HMCN1: variants seen among roughly 807,000 people sequenced by gnomAD.
HMCN1 encodes the protein hemicentin-1.
HMCN1 carries 321 observed loss-of-function variants against 625.9 expected under a neutral mutation model. The observed-to-expected ratio is 0.51, with a 90% CI of 0.47 to 0.56. HMCN1 has a LOEUF of 0.56. HMCN1 is among the 20% of genes least tolerant of loss of function. HMCN1 has a pLI of 0.00. For missense variants in HMCN1, 6,588 were observed against 6,887.3 expected (o/e 0.96, Z 1.54); for synonymous variants, 2,425 against 2,417.6 (o/e 1.00, Z -0.09).
At chr1:185,791,737 C>A (rs150240495) in intron 1 of HMCN1, among the ~76,000 whole-genome samples, 1 of 152,082 alleles carries the variant, frequency 6.6e-6, no homozygotes, top group South Asian at 2.1e-4. Flanking sequence ...AACAAACAAA[C>A]AAACAAACAG....
chr1:185,960,124 CT>C (rs1167408279), intron 11 of HMCN1, among the ~76,000 whole-genome samples: 6,439 of 108,914 alleles, frequency 0.059, 228 homozygotes, highest in African/African-American at 0.21. Context: ...CAGGAATATT[CT>C]TTTTTTTTTT....
chr1:186,105,964 C>T (rs779939778), intron 69 of HMCN1, among the ~76,000 whole-genome samples: 1 of 152,100 alleles, frequency 6.6e-6, no homozygotes, highest in African/African-American at 2.4e-5. Flanking sequence ...AATTGAATAA[C>T]GATGTAAGTG....
chr1:186,158,575 C>T (rs1393110056), intron 97 of HMCN1, among the ~76,000 whole-genome samples: 28 of 152,058 alleles, frequency 1.8e-4, no homozygotes, highest in African/African-American at 3.6e-4. Flanking sequence ...TTAGGTCTAA[C>T]GTTTAAGTCT....
At position 186,145,360 on chromosome 1, in the gene HMCN1, T is replaced by C. The variant is rs1321237369; in HGVS notation, c.14267-43T>C. 3 of 1,511,910 alleles carry C rather than the reference T, an allele frequency of 2.0e-6. No homozygotes were observed. The East Asian group carries it at 6.8e-5, about 34-fold the overall frequency. 93.7% of individuals were successfully genotyped at this position (1,511,910 alleles called of 1,614,324 possible). ...GAATGTCATTGTTGACCACTTCTCA[T>C]TTTAGGGGCTCTGTTTTCATCTCAG... On this transcript the variant is annotated intron_variant, in intron 91 of 106. Transcript: ENST00000271588.
At chr1:186,171,594 A>C (rs1652236019) in intron 101 of HMCN1, 144 bp downstream of exon 101, 3 of 644,452 alleles carry the variant, frequency 4.7e-6, no homozygotes, top group Admixed American at 2.8e-5. Context: ...ATGCAAAACC[A>C]AAATGACAAA....
At chr1:186,052,669 T>A (rs1657039394) in intron 42 of HMCN1, among the ~76,000 whole-genome samples, 1 of 152,084 alleles carries the variant, frequency 6.6e-6, no homozygotes, top group Admixed American at 6.6e-5. Flanking sequence ...TACATTTTTC[T>A]AATAGCTATA....
chr1:185,931,438 T>C (rs1000415257), intron 10 of HMCN1, among the ~76,000 whole-genome samples: 6 of 152,184 alleles, frequency 3.9e-5, no homozygotes, highest in African/African-American at 1.4e-4. Context: ...AATATTTCAA[T>C]GTGTATAATA....
intron 30 of HMCN1, among the ~76,000 whole-genome samples, chr1:186,013,930 G>A (rs898194060): frequency 2.0e-5 from 3 of 152,088 alleles, no homozygotes; most frequent in African/African-American, 7.2e-5. Flanking sequence ...AATTATGTAG[G>A]TAGTCCCCAC....
chr1:186,125,611 C>G lies in HMCN1; in HGVS notation c.12507C>G (p.Pro4169=). ...TTTTTAAACTCTTCATAGTACCACC[C>G]AGGATCAGAAGTACAGAAGGACACT... ...TSTKLTVHVP[P]RIRSTEGHYT... The change falls in exon 82 of 107, where the codon CCC becomes CCG. Residue 4169 remains proline (P), a synonymous_variant. Coordinates refer to ENST00000271588, the MANE Select transcript of HMCN1 (RefSeq NM_031935.3). 6.2e-7 allele frequency: 1 copy of G among 1,612,364 alleles called. No individual in the cohort carries two copies. The highest frequency in any genetic ancestry group is 2.2e-5 in the East Asian group (1 of 44,830).
At chr1:185,908,739 T>C (rs1473215109) in intron 4 of HMCN1, among the ~76,000 whole-genome samples, 1 of 151,460 alleles carries the variant, frequency 6.6e-6, no homozygotes, top group Non-Finnish European at 1.5e-5. Flanking sequence ...TTTCCCATTA[T>C]ATTGTTACTT....
At chr1:186,051,410 T>A (rs1656940024) in intron 42 of HMCN1, among the ~76,000 whole-genome samples, 1 of 152,044 alleles carries the variant, frequency 6.6e-6, no homozygotes, top group South Asian at 2.1e-4. Context: ...AGTTTGACAA[T>A]GCTTCTAAGG....
At chr1:185,760,435 G>A (rs528124241) in intron 1 of HMCN1, among the ~76,000 whole-genome samples, 22 of 152,264 alleles carry the variant, frequency 1.4e-4, no homozygotes, top group Admixed American at 1.2e-3. Context: ...GGGCTTCCAG[G>A]GTTACAGCAA....
chr1:186,001,993 C>T lies in HMCN1; in HGVS notation c.4348+252C>T, dbSNP rs538075200. Reference sequence around the variant, plus strand: ...TAGTATCAAATACTCAAAAGTGGTACTGCTATCTTGTGTAAAATAAGAAAT... The same window carrying T: ...TAGTATCAAATACTCAAAAGTGGTATTGCTATCTTGTGTAAAATAAGAAAT... On this transcript the variant is annotated intron_variant, in intron 28 of 106. Coordinates refer to ENST00000271588, the MANE Select transcript of HMCN1 (RefSeq NM_031935.3). 3.3e-5 allele frequency among the ~76,000 whole-genome samples: 5 copies of T among 152,026 alleles called. No homozygotes were observed. In the South Asian group the frequency reaches 1.0e-3, roughly 32 times the overall value.
chr1:186,142,369 A>G (rs1650026493), intron 89 of HMCN1, among the ~76,000 whole-genome samples: 1 of 152,152 alleles, frequency 6.6e-6, no homozygotes. Flanking sequence ...ATAGTATTCC[A>G]TGGCACGTAT....
chr1:186,090,283 CAA>C (rs930333422), intron 63 of HMCN1, among the ~76,000 whole-genome samples: 3 of 151,848 alleles, frequency 2.0e-5, no homozygotes, highest in African/African-American at 7.2e-5. Flanking sequence ...TCAAAATAAA[CAA>C]TAATTAAATT....
intron 4 of HMCN1, among the ~76,000 whole-genome samples, chr1:185,903,853 A>C (rs1055285688): frequency 2.6e-5 from 4 of 151,842 alleles, no homozygotes; most frequent in Admixed American, 6.6e-5. Flanking sequence ...GCAAGTCTAG[A>C]ACACTTGTGT....
At chr1:186,167,787 T>A (rs939878025) in intron 100 of HMCN1, among the ~76,000 whole-genome samples, 2 of 152,230 alleles carry the variant, frequency 1.3e-5, no homozygotes, top group Non-Finnish European at 2.9e-5. Flanking sequence ...CATTTAAGTT[T>A]CCTCCACCCC....
intron 2 of HMCN1, among the ~76,000 whole-genome samples, chr1:185,854,106 C>T (rs1558016809): frequency 6.6e-6 from 1 of 152,214 alleles, no homozygotes; most frequent in East Asian, 1.9e-4. Flanking sequence ...GGAGAATTGT[C>T]CTTGATCTAC....
At chr1:185,998,667 A>G (rs1428280487) in intron 25 of HMCN1, among the ~76,000 whole-genome samples, 1 of 152,096 alleles carries the variant, frequency 6.6e-6, no homozygotes, top group African/African-American at 2.4e-5. Context: ...CTAGAAAAAC[A>G]TCTCTTCCTT....
Sources: gnomAD v4.1 joint callset for allele counts (sites outside exome capture counted in the v4.1 genomes callset) on GRCh38, gnomAD v4.1.1 for gene constraint, MANE v1.5 for transcripts, NCBI Gene and HGNC (gene_info 2026-07-23, HGNC 2026-07-21) for gene names.